ABCC9: variants seen among roughly 807,000 people sequenced by gnomAD.
ABCC9 encodes the protein ATP-binding cassette sub-family C member 9.
A neutral mutation model predicts 188.3 loss-of-function variants in ABCC9; 95 were observed. That is an observed-to-expected ratio of 0.50 (90% confidence interval 0.43 to 0.60). The LOEUF (loss-of-function observed/expected upper bound fraction) is 0.60, where lower values mean the gene tolerates loss of function less well. ABCC9 is among the 20% of genes least tolerant of loss of function. The probability of loss-of-function intolerance (pLI) is 0.00; values close to 1 mark genes in which losing one functional copy is unlikely to be tolerated. For missense variants in ABCC9, 1,102 were observed against 1,876.3 expected, an observed-to-expected ratio of 0.59 and a Z score of 7.62; for synonymous variants, 659 against 652.7, an observed-to-expected ratio of 1.01 and a Z score of -0.15.
chr12:21,859,328 G>A (rs534484182), intron 22 of ABCC9, among the ~76,000 whole-genome samples: 2 of 152,036 alleles, frequency 1.3e-5, no homozygotes, highest in East Asian at 1.9e-4. Context: ...TCCTTTCCTG[G>A]TTAAGAAACT....
intron 12 of ABCC9, 138 bp from the exon 13 acceptor site, chr12:21,895,453 C>A: frequency 1.3e-6 from 1 of 746,382 alleles, no homozygotes; most frequent in Non-Finnish European, 2.3e-6. Context: ...GTCTGGAGTC[C>A]ACAAACATTT....
At chr12:21,838,859 C>G (rs769696253) in intron 29 of ABCC9, among the ~76,000 whole-genome samples, 10 of 152,052 alleles carry the variant, frequency 6.6e-5, no homozygotes, top group Non-Finnish European at 1.0e-4. Context: ...ATGGCATAAC[C>G]CTGTCTCTAC....
chr12:21,900,995 A>G (rs1024552148), intron 12 of ABCC9, among the ~76,000 whole-genome samples: 3 of 152,182 alleles, frequency 2.0e-5, no homozygotes, highest in East Asian at 3.9e-4. Context: ...TCCAAGACAC[A>G]TAATTGTCAG....
In ABCC9 at chr12:21,832,124, C is replaced by T. The variant is rs1470123998; in HGVS notation, c.3567-3064G>A. 3.9e-5 allele frequency among the ~76,000 whole-genome samples: 6 copies of T among 152,170 alleles called. 1 individual carries two copies. Among genetic ancestry groups the T allele is most frequent in the Admixed American group, 3.3e-4 (5 of 15,274 alleles). On this transcript the variant is annotated intron_variant, in intron 30 of 39. Coordinates refer to ENST00000261200, the MANE Select transcript of ABCC9 (RefSeq NM_020297.4). Reference sequence around the variant, plus strand: ...CACACTCAGCCTGTATCTTTTCATCCATATCCAGCTCATCTTCTGAACATT... The same window carrying T: ...CACACTCAGCCTGTATCTTTTCATCTATATCCAGCTCATCTTCTGAACATT...
At chr12:21,805,259 C>T in intron 39 of ABCC9, 1 of 1,613,918 alleles carries the variant, frequency 6.2e-7, no homozygotes, top group Non-Finnish European at 8.5e-7. Flanking sequence ...CACTAAAATA[C>T]CCTCAGAAAA....
chr12:21,834,699 C>T (rs764422773), intron 30 of ABCC9, among the ~76,000 whole-genome samples: 2 of 151,418 alleles, frequency 1.3e-5, no homozygotes, highest in Non-Finnish European at 2.9e-5. Context: ...CCATCTGTTC[C>T]TTTCATATAT....
chr12:21,829,191 CTTTTT>C (rs11430045), intron 30 of ABCC9, 131 bp from the exon 31 acceptor site: 1,745 of 229,316 alleles, frequency 7.6e-3, no homozygotes, highest in East Asian at 0.017. Flanking sequence ...AAATAGATTT[CTTTTT>C]TTTTTTTTTT....
intron 13 of ABCC9, 88 bp from the exon 14 acceptor site, chr12:21,894,262 T>A (rs1947300004): frequency 7.3e-7 from 1 of 1,377,526 alleles, no homozygotes; most frequent in Non-Finnish European, 1.0e-6. Context: ...CATATTCTGC[T>A]ATGCCAGTAT....
intron 21 of ABCC9, among the ~76,000 whole-genome samples, chr12:21,860,498 G>A (rs903914078): frequency 7.2e-5 from 11 of 152,138 alleles, no homozygotes; most frequent in African/African-American, 2.4e-4. Flanking sequence ...CATTGTAGAC[G>A]TTGTTGTTCT....
At chr12:21,902,133 A>G (rs1947788478) in intron 12 of ABCC9, among the ~76,000 whole-genome samples, 1 of 152,248 alleles carries the variant, frequency 6.6e-6, no homozygotes, top group African/African-American at 2.4e-5. Context: ...AGAAATCAGG[A>G]TTAAGAAACT....
At chr12:21,844,122 A>G (rs562588005) in intron 28 of ABCC9, among the ~76,000 whole-genome samples, 1 of 152,286 alleles carries the variant, frequency 6.6e-6, no homozygotes, top group African/African-American at 2.4e-5. Flanking sequence ...CCCATCCTTC[A>G]CTTCTGAGAG....
chr12:21,920,436 A>G (rs923787946), intron 5 of ABCC9, among the ~76,000 whole-genome samples: 1 of 151,930 alleles, frequency 6.6e-6, no homozygotes, highest in African/African-American at 2.4e-5. Context: ...ATTTTATTTT[A>G]TTTTTTATTT....
At chr12:21,915,286 G>GTATATAATGTGTATATATATGTGTGTA (rs1948508794) in intron 7 of ABCC9, among the ~76,000 whole-genome samples, 2 of 129,118 alleles carry the variant, frequency 1.5e-5, no homozygotes, top group Non-Finnish European at 3.1e-5. Flanking sequence ...ATATATGTGT[G>GTATATAATGTGTATATATATGTGTGTA]TATATATACA....
In ABCC9 at chr12:21,817,372, G is replaced by A. The variant is rs114958142; in HGVS notation, c.3772-65C>T. ...AAGTAAGAAGTTGTGGTTAATCACCGGAAATTTTGGAACGAGATAACTTGG... is the reference window on the plus strand; with the variant it reads ...AAGTAAGAAGTTGTGGTTAATCACCAGAAATTTTGGAACGAGATAACTTGG... On this transcript the variant is annotated intron_variant, in intron 32 of 39. Coordinates refer to ENST00000261200, the MANE Select transcript of ABCC9 (RefSeq NM_020297.4). The A allele has an allele frequency of 2.0e-3, 3,068 of 1,520,640 alleles. 44 individuals are homozygous for A. The African/African-American group carries it at 0.033, about 16-fold the overall frequency. The allele number at this position is 1,520,640 out of a possible 1,614,324, so 94.2% of individuals were successfully genotyped here. A position where few individuals can be genotyped will look rare whatever the true frequency, so the allele number is the denominator to read the frequency against.
intron 37 of ABCC9, among the ~76,000 whole-genome samples, chr12:21,809,056 TG>T (rs1942052558): frequency 6.6e-6 from 1 of 152,304 alleles, no homozygotes; most frequent in East Asian, 1.9e-4. Context: ...CACCACAATT[TG>T]GCAACTATAT....
At chr12:21,812,229 A>G (rs1942290638) in intron 35 of ABCC9, 72 bp from the exon 36 acceptor site, 2 of 1,208,636 alleles carry the variant, frequency 1.7e-6, no homozygotes, top group Admixed American at 1.7e-5. Flanking sequence ...TTACAAATTG[A>G]AAGTTATTTC....
chr12:21,804,670 T>C (rs1189845967), intron 39 of ABCC9, among the ~76,000 whole-genome samples: 1 of 152,214 alleles, frequency 6.6e-6, no homozygotes, highest in Non-Finnish European at 1.5e-5. Context: ...TAGGCCCTGA[T>C]GGGACATCAT....
At chr12:21,823,030 T>A (rs1943147816) in intron 31 of ABCC9, among the ~76,000 whole-genome samples, 1 of 152,190 alleles carries the variant, frequency 6.6e-6, no homozygotes, top group Non-Finnish European at 1.5e-5. Context: ...TTTATTCTAC[T>A]GCTATAGCCT....
intron 10 of ABCC9, among the ~76,000 whole-genome samples, chr12:21,909,550 G>A (rs1948216984): frequency 6.6e-6 from 1 of 151,852 alleles, no homozygotes; most frequent in Non-Finnish European, 1.5e-5. Context: ...TTACTAAAAT[G>A]TTATTTTACA....
Sources: allele counts gnomAD v4.1 joint callset (sites outside exome capture counted in the v4.1 genomes callset), GRCh38; gene constraint gnomAD v4.1.1; transcripts MANE v1.5; gene names NCBI Gene and HGNC (gene_info 2026-07-23, HGNC 2026-07-21).